NKAIN3: variants seen among roughly 807,000 people sequenced by gnomAD.
The protein encoded by NKAIN3 is sodium/potassium-transporting ATPase subunit beta-1-interacting protein 3.
In NKAIN3, 25 loss-of-function variants were observed where a neutral mutation model predicts 30.2. The observed-to-expected ratio is 0.83, with a 90% confidence interval of 0.60 to 1.16. NKAIN3 has a LOEUF of 1.16. Among genes scored for constraint, NKAIN3 ranks in the 50% most tolerant of loss-of-function variants. The probability of loss-of-function intolerance (pLI) is 0.00; values close to 1 mark genes in which losing one functional copy is unlikely to be tolerated. For missense variants in NKAIN3, 225 were observed against 254.1 expected (o/e 0.89, Z 0.78); for synonymous variants, 91 against 89.6 (o/e 1.02, Z -0.09).
In NKAIN3 at chr8:62,697,634, T is replaced by C. The variant is rs116331610; in HGVS notation, c.274-49298T>C. ...AGAATCTCCCAACTTCTAGAACATA[T>C]GCTCTTGATGGGCAAGGGTCTTTGT... On this transcript the variant is annotated intron_variant, in intron 3 of 6. Transcript: ENST00000623646. 4.9e-3 allele frequency among the ~76,000 whole-genome samples: 754 copies of C among 152,326 alleles called. 2 individuals are homozygous for C. The highest frequency in any genetic ancestry group is 0.017 in the African/African-American group (698 of 41,578).
chr8:62,869,418 A>T (rs776277533), intron 4 of NKAIN3, among the ~76,000 whole-genome samples: 1 of 152,208 alleles, frequency 6.6e-6, no homozygotes. Flanking sequence ...GAGTGAGAAC[A>T]TGCGGTGTTT....
At chr8:62,398,040 G>A (rs1302618932) in intron 1 of NKAIN3, among the ~76,000 whole-genome samples, 1 of 152,166 alleles carries the variant, frequency 6.6e-6, no homozygotes, top group African/African-American at 2.4e-5. Flanking sequence ...GGAGAGGGGT[G>A]CAGGCACCAT....
At chr8:62,898,729 T>C (rs1216493874) in intron 4 of NKAIN3, among the ~76,000 whole-genome samples, 1 of 151,970 alleles carries the variant, frequency 6.6e-6, no homozygotes, top group Non-Finnish European at 1.5e-5. Context: ...AATGGACAAA[T>C]GGGATCACAT....
intron 1 of NKAIN3, among the ~76,000 whole-genome samples, chr8:62,355,342 G>A (rs1443810200): frequency 1.3e-5 from 2 of 152,174 alleles, no homozygotes; most frequent in Non-Finnish European, 2.9e-5. Context: ...AGTCAAGACA[G>A]TTTATGCTGT....
chr8:62,875,874 C>G (rs1433317404), intron 4 of NKAIN3, among the ~76,000 whole-genome samples: 1 of 151,986 alleles, frequency 6.6e-6, no homozygotes. Flanking sequence ...CCATAAAAAC[C>G]CTAGAAGAAA....
Position 62,961,061 on chromosome 8 carries a change from C to T in NKAIN3, c.604-4293C>T, listed in dbSNP as rs567400797. Among the ~76,000 whole-genome samples the T allele has an allele frequency of 1.5e-3, 229 of 152,228 alleles. 1 individual carries two copies. Among genetic ancestry groups the T allele is most frequent in the African/African-American group, 5.2e-3 (216 of 41,546 alleles). ...CTGGGAGACCGAGGCGGGCAGATCA[C>T]TTGAGGTCAGGAGTTCGACACCAGC... is the stretch of plus-strand genomic sequence containing the variant. On this transcript the variant is annotated intron_variant, in intron 6 of 6. Transcript: ENST00000623646.
rs192403151 is a variant in NKAIN3, at chr8:62,822,415, A to G, written c.471+75286A>G. Among the ~76,000 whole-genome samples the G allele has an allele frequency of 6.7e-4, 102 of 152,286 alleles. 1 individual carries two copies. The Middle Eastern group carries it at 0.01, about 15-fold the overall frequency. ...CAATTTTAAAGCATTTTACCTTAAC[A>G]GTCTGACCCGCATGTACATAACATA... On this transcript the variant is annotated intron_variant, in intron 4 of 6. Coordinates refer to ENST00000623646, the MANE Select transcript of NKAIN3 (RefSeq NM_001304533.3).
chr8:62,844,166 T>C (rs1311533313), intron 4 of NKAIN3, among the ~76,000 whole-genome samples: 1 of 152,200 alleles, frequency 6.6e-6, no homozygotes, highest in Non-Finnish European at 1.5e-5. Flanking sequence ...GCCCGGTTGA[T>C]GGAACAGGGC....
intron 3 of NKAIN3, among the ~76,000 whole-genome samples, chr8:62,716,625 G>A (rs1362180583): frequency 6.6e-6 from 1 of 151,916 alleles, no homozygotes. Context: ...TTTAAAGTAG[G>A]TTAAAAAATA....
chr8:62,920,477 TA>T (rs1296587611), intron 5 of NKAIN3, among the ~76,000 whole-genome samples: 1 of 152,218 alleles, frequency 6.6e-6, no homozygotes, highest in East Asian at 1.9e-4. Flanking sequence ...AAATGGCATG[TA>T]AAATAAAAGA....
chr8:62,450,236 C>T (rs1805601506), intron 1 of NKAIN3, among the ~76,000 whole-genome samples: 1 of 152,038 alleles, frequency 6.6e-6, no homozygotes, highest in Non-Finnish European at 1.5e-5. Context: ...TTTTTATTAA[C>T]ATTTACATTG....
At chr8:62,347,662 G>A (rs567757779) in intron 1 of NKAIN3, among the ~76,000 whole-genome samples, 1 of 152,076 alleles carries the variant, frequency 6.6e-6, no homozygotes, top group East Asian at 1.9e-4. Context: ...TAAGAATAAT[G>A]CCAGACAAAG....
chr8:62,585,118 A>C (rs1261159981), intron 2 of NKAIN3, among the ~76,000 whole-genome samples: 1 of 152,190 alleles, frequency 6.6e-6, no homozygotes, highest in East Asian at 1.9e-4. Context: ...CTCAGCCTGA[A>C]CTTGGTTGAG....
chr8:62,930,529 C>G (rs1395099042), intron 5 of NKAIN3, among the ~76,000 whole-genome samples: 1 of 152,152 alleles, frequency 6.6e-6, no homozygotes, highest in African/African-American at 2.4e-5. Context: ...GCTGGGATTA[C>G]AGGCGTGAGT....
In NKAIN3 at chr8:62,944,670, T is replaced by C. The variant is rs1418634105; in HGVS notation, c.533-9232T>C. ...TCCCTGTAAACTGGAAATTTTTAAGTGTTTAATTTCTGCTTTGGATGGGAA... is the reference window on the plus strand; with the variant it reads ...TCCCTGTAAACTGGAAATTTTTAAGCGTTTAATTTCTGCTTTGGATGGGAA... On this transcript the variant is annotated intron_variant, in intron 5 of 6. Transcript: ENST00000623646. 2.0e-5 allele frequency among the ~76,000 whole-genome samples: 3 copies of C among 152,198 alleles called. No homozygotes were observed. The South Asian group carries it at 6.2e-4, about 31-fold the overall frequency.
intron 1 of NKAIN3, among the ~76,000 whole-genome samples, chr8:62,417,313 T>C (rs1804478738): frequency 6.6e-6 from 1 of 152,174 alleles, no homozygotes; most frequent in Admixed American, 6.5e-5. Context: ...TCATTCTTTT[T>C]TTAGGGATGA....
rs1822667951 is a variant in NKAIN3 at position 62,933,008 on chromosome 8, A to ACACACACACG, written c.532+14504_532+14505insGCACACACAC. ...CCTCACTCAATGAACACACACACACACACACACACACACACACACACCAGG... is the reference window on the plus strand; with the variant it reads ...CCTCACTCAATGAACACACACACACACACACACACGCACACACACACACACACACACCAGG... On this transcript the variant is annotated intron_variant, in intron 5 of 6. Coordinates refer to ENST00000623646, the MANE Select transcript of NKAIN3 (RefSeq NM_001304533.3). Among the ~76,000 whole-genome samples the ACACACACACG allele has an allele frequency of 2.7e-5, 4 of 147,732 alleles. No individual in the cohort carries two copies. In the Middle Eastern group the frequency reaches 0.01, roughly 377 times the overall value.
At chr8:62,897,795 T>TA (rs1163337926) in intron 4 of NKAIN3, among the ~76,000 whole-genome samples, 3 of 152,096 alleles carry the variant, frequency 2.0e-5, no homozygotes, top group Admixed American at 1.3e-4. Context: ...AACAGGTTGT[T>TA]AGAGTCTGGT....
At chr8:62,550,224 T>C (rs1435400501) in intron 1 of NKAIN3, among the ~76,000 whole-genome samples, 1 of 152,210 alleles carries the variant, frequency 6.6e-6, no homozygotes, top group Non-Finnish European at 1.5e-5. Context: ...TCATGCCTGC[T>C]CCCCTTTTTT....
Sources: allele counts gnomAD v4.1 joint callset (sites outside exome capture counted in the v4.1 genomes callset), GRCh38; gene constraint gnomAD v4.1.1; transcripts MANE v1.5; gene names NCBI Gene and HGNC (gene_info 2026-07-23, HGNC 2026-07-21).